The following PTPRT variants were observed in gnomAD, a reference collection of about 807,000 sequenced individuals.
PTPRT encodes protein tyrosine phosphatase receptor type T.
A neutral mutation model predicts 176.8 loss-of-function variants in PTPRT; 56 were observed. That is an observed-to-expected ratio of 0.32 (90% CI 0.26 to 0.40). The LOEUF (loss-of-function observed/expected upper bound fraction) is 0.40, where lower values mean the gene tolerates loss of function less well. Ranked by LOEUF, PTPRT falls within the 10% of genes least tolerant of loss-of-function variation. The pLI, the probability that PTPRT is intolerant of heterozygous loss-of-function variation, is 1.00. For synonymous variants in PTPRT, 783 were observed against 739.0 expected (o/e 1.06, Z -0.96); for missense variants, 1,540 against 1,908.2 (o/e 0.81, Z 3.60).
At chr20:42,456,931 T>C (rs1028930029) in intron 8 of PTPRT, among the ~76,000 whole-genome samples, 1 of 152,216 alleles carries the variant, frequency 6.6e-6, no homozygotes, top group Non-Finnish European at 1.5e-5. Context: ...CTGGGACTGA[T>C]GTGTACTTTG....
intron 7 of PTPRT, among the ~76,000 whole-genome samples, chr20:42,537,907 C>T (rs556245749): frequency 6.6e-6 from 1 of 152,272 alleles, no homozygotes; most frequent in East Asian, 1.9e-4. Flanking sequence ...ATAAGGTATA[C>T]CACCAATGTA....
intron 9 of PTPRT, among the ~76,000 whole-genome samples, chr20:42,428,876 G>C (rs6072741): frequency 6.6e-6 from 1 of 152,060 alleles, no homozygotes; most frequent in East Asian, 1.9e-4. Flanking sequence ...CCAAGCCAAG[G>C]CTAGATCCAG....
chr20:42,109,450 C>A (rs1291808283), intron 23 of PTPRT, among the ~76,000 whole-genome samples: 1 of 152,212 alleles, frequency 6.6e-6, no homozygotes, highest in Non-Finnish European at 1.5e-5. Context: ...GCCACTCATT[C>A]TCAATGTGAC....
intron 23 of PTPRT, among the ~76,000 whole-genome samples, chr20:42,108,449 A>AATT (rs1196817047): frequency 6.6e-6 from 1 of 152,008 alleles, no homozygotes; most frequent in Non-Finnish European, 1.5e-5. Context: ...TGTTGATAAT[A>AATT]ATTAATAGAT....
At chr20:42,064,875 G>GT in the PTPRT span, among the ~76,000 whole-genome samples, 1 of 152,230 alleles carries the variant, frequency 6.6e-6, no homozygotes, top group Non-Finnish European at 1.5e-5. Context: ...GTGATGAGAT[G>GT]TAACTTCAAA....
intron 1 of PTPRT, among the ~76,000 whole-genome samples, chr20:43,024,589 C>CAAA (rs34972558): frequency 1.2e-5 from 1 of 81,386 alleles, no homozygotes. Context: ...GACTCCATCT[C>CAAA]AAAAAAAAAA....
intron 1 of PTPRT, among the ~76,000 whole-genome samples, chr20:43,140,311 T>G (rs1321996171): frequency 6.6e-6 from 1 of 152,154 alleles, no homozygotes; most frequent in Non-Finnish European, 1.5e-5. Context: ...CTTTTGCAAG[T>G]ATGAGTAAAG....
At chr20:42,707,197 A>T (rs1276020771) in intron 6 of PTPRT, among the ~76,000 whole-genome samples, 1 of 152,074 alleles carries the variant, frequency 6.6e-6, no homozygotes, top group Non-Finnish European at 1.5e-5. Flanking sequence ...TTTGCCACAC[A>T]CAGTTTGTGG....
chr20:42,463,466 T>C (rs961986922), intron 8 of PTPRT, among the ~76,000 whole-genome samples: 7 of 152,358 alleles, frequency 4.6e-5, no homozygotes, highest in South Asian at 4.1e-4. Context: ...AGTGGGTTCA[T>C]GTAAATTCAC....
At chr20:42,764,982 G>A (rs1239142717) in intron 5 of PTPRT, among the ~76,000 whole-genome samples, 3 of 152,144 alleles carry the variant, frequency 2.0e-5, no homozygotes, top group Non-Finnish European at 4.4e-5. Flanking sequence ...TTTACTGGGC[G>A]AACCGGCTGC....
intron 16 of PTPRT, among the ~76,000 whole-genome samples, chr20:42,183,093 G>A (rs1480856136): frequency 3.9e-5 from 6 of 151,994 alleles, no homozygotes; most frequent in African/African-American, 4.8e-5. Flanking sequence ...TTCTAAAACC[G>A]ACTCAATCCT....
chr20:42,864,840 CTT>C (rs1260819600), intron 2 of PTPRT, among the ~76,000 whole-genome samples: 4 of 152,208 alleles, frequency 2.6e-5, no homozygotes, highest in African/African-American at 9.6e-5. Flanking sequence ...AGTCTAAAAA[CTT>C]AGCACAAATC....
Position 43,118,133 on chromosome 20 carries a change from G to A in PTPRT, c.88+71513C>T, listed in dbSNP as rs574894738. Among the ~76,000 whole-genome samples, 5 of 152,340 alleles carry A rather than the reference G, an allele frequency of 3.3e-5. 1 individual carries two copies. The South Asian group carries it at 1.0e-3, about 32-fold the overall frequency. On this transcript the variant is annotated intron_variant, in intron 1 of 30. Transcript: ENST00000373187. ...TTCAGCTTGTCGCTGCAGTGTGAAA[G>A]CAGCTACCAGCTGTATGTAAACAAA...
At chr20:43,021,929 C>T (rs574773728) in intron 1 of PTPRT, among the ~76,000 whole-genome samples, 2 of 152,144 alleles carry the variant, frequency 1.3e-5, no homozygotes, top group South Asian at 4.2e-4. Context: ...CCACCTTTAG[C>T]ATGGTATCCC....
At chr20:42,774,712 G>T (rs572429505) in intron 4 of PTPRT, among the ~76,000 whole-genome samples, 1 of 152,140 alleles carries the variant, frequency 6.6e-6, no homozygotes. Flanking sequence ...TGCGGTACGC[G>T]GTGGGCATCA....
chr20:43,136,852 G>A (rs1400601291), intron 1 of PTPRT, among the ~76,000 whole-genome samples: 1 of 152,150 alleles, frequency 6.6e-6, no homozygotes, highest in African/African-American at 2.4e-5. Context: ...TCCAGCTGCG[G>A]ACATTTTTAT....
At chr20:42,173,209 G>A (rs575914842) in intron 16 of PTPRT, among the ~76,000 whole-genome samples, 1 of 152,150 alleles carries the variant, frequency 6.6e-6, no homozygotes, top group Admixed American at 6.6e-5. Context: ...CAAAGCATCA[G>A]TCTATGGACT....
Position 43,000,718 on chromosome 20 carries a change from C to A in PTPRT, c.89-114786G>T, listed in dbSNP as rs955808289. Among the ~76,000 whole-genome samples, 13 of 149,704 alleles carry A rather than the reference C, an allele frequency of 8.7e-5. No homozygotes were observed. The East Asian group carries it at 2.3e-3, about 27-fold the overall frequency. ...GCAACCCAGGAGACAATATTGGATG[C>A]AAAAAATAAACAACAAGGATCTAGA... On this transcript the variant is annotated intron_variant, in intron 1 of 30. Transcript: ENST00000373187.
chr20:42,444,976 A>C (rs2059349987), intron 9 of PTPRT, among the ~76,000 whole-genome samples: 1 of 152,162 alleles, frequency 6.6e-6, no homozygotes, highest in South Asian at 2.1e-4. Flanking sequence ...CAATTGCCAA[A>C]AGTTTCTCAA....
Sources: gnomAD v4.1 joint callset for allele counts (sites outside exome capture counted in the v4.1 genomes callset) on GRCh38, gnomAD v4.1.1 for gene constraint, MANE v1.5 for transcripts, NCBI Gene and HGNC (gene_info 2026-07-23, HGNC 2026-07-21) for gene names.